MLYCD: variants seen among roughly 807,000 people sequenced by gnomAD.
MLYCD encodes malonyl-CoA decarboxylase.
MLYCD carries 27 observed loss-of-function variants against 35.8 expected under a neutral mutation model. The observed-to-expected ratio is 0.75, with a 90% CI of 0.56 to 1.04. The LOEUF (loss-of-function observed/expected upper bound fraction) is 1.04. Ranked by LOEUF, MLYCD falls within the 50% of genes least tolerant of loss-of-function variation. The pLI is 0.00. For missense variants in MLYCD, 917 were observed against 665.1 expected (o/e 1.38, Z -4.17); for synonymous variants, 403 against 302.4 (o/e 1.33, Z -3.45).
In MLYCD at chr16:83,924,662, TC is replaced by T. The variant is rs1369080306; in HGVS notation, c.*9174del. On this transcript the variant is annotated 3_prime_UTR_variant, in exon 5 of 5. Coordinates refer to ENST00000262430, the MANE Select transcript of MLYCD (RefSeq NM_012213.3). Reference sequence around the variant, plus strand: ...AGGAGAGAAGACCAGAGAGCTGCCTTCAAAGATGCCAGAGCCATGTTTATTT... The same window carrying T: ...AGGAGAGAAGACCAGAGAGCTGCCTTAAAGATGCCAGAGCCATGTTTATTT... 1 of 152,140 alleles carries T rather than the reference TC, an allele frequency of 6.6e-6. No homozygotes were observed. The highest frequency in any genetic ancestry group is 1.5e-5 in the Non-Finnish European group (1 of 68,030). The allele number at this position is 152,140 out of a possible 1,614,324, so 9.4% of individuals were successfully genotyped here.
chr16:83,912,085 C>A lies in MLYCD; in HGVS notation c.799-133C>A, dbSNP rs1907198989. The A allele has an allele frequency of 6.1e-6, 8 of 1,315,546 alleles. No individual in the cohort carries two copies. In the South Asian group the frequency reaches 8.3e-5, roughly 14 times the overall value. The allele number at this position is 1,315,546 out of a possible 1,614,324, so 81.5% of individuals were successfully genotyped here. ...GCTTTTAGGCTCTGTAGCCTGAACC[C>A]CAGCTGGGGAGCCGAGGTCTCTTCC... is the stretch of plus-strand genomic sequence containing the variant. On this transcript the variant is annotated intron_variant, in intron 3 of 4. Transcript: ENST00000262430.
chr16:83,914,952 A>T lies in MLYCD; in HGVS notation c.949-4A>T. 6.2e-7 allele frequency: 1 copy of T among 1,614,224 alleles called. No individual in the cohort carries two copies. The highest frequency in any genetic ancestry group is 2.2e-5 in the East Asian group (1 of 44,892). ...TTCCTTTCCACCCCAACCATGCTTT[A>T]CAGAGAGAGTTTCCTCACCTTGGGG... is the stretch of plus-strand genomic sequence containing the variant. On this transcript the variant is annotated splice_polypyrimidine_tract_variant and splice_region_variant and intron_variant, in intron 4 of 4. Coordinates refer to ENST00000262430, the MANE Select transcript of MLYCD (RefSeq NM_012213.3).
chr16:83,919,660 A>G lies in MLYCD; in HGVS notation c.*4171A>G, dbSNP rs1907580253. ...ACACGATGCACGGAACACGGTGATC[A>G]GAACACGGTTCACAGGAGAACACAC... On this transcript the variant is annotated 3_prime_UTR_variant, in exon 5 of 5. Coordinates refer to ENST00000262430, the MANE Select transcript of MLYCD (RefSeq NM_012213.3). 1 of 151,152 alleles carries G rather than the reference A, an allele frequency of 6.6e-6. No homozygotes were observed. The highest frequency in any genetic ancestry group is 6.6e-5 in the Admixed American group (1 of 15,140). The allele number at this position is 151,152 out of a possible 1,614,324, so 9.4% of individuals were successfully genotyped here.
chr16:83,915,543 G>A lies in MLYCD; in HGVS notation c.*54G>A. On this transcript the variant is annotated 3_prime_UTR_variant, in exon 5 of 5. Transcript: ENST00000262430. ...CCGGCTAAGAAAACGATCATTTTCA[G>A]GAGGGGCCGGGAGTTATGTATCTGA... 1 of 1,589,698 alleles carries A rather than the reference G, an allele frequency of 6.3e-7. No individual in the cohort carries two copies. Among genetic ancestry groups the A allele is most frequent in the African/African-American group, 1.3e-5 (1 of 74,920 alleles).
At chr16:83,908,048 G>A (rs1907041757) in intron 2 of MLYCD, 78 bp from the exon 3 acceptor site, 18 of 1,565,136 alleles carry the variant, frequency 1.2e-5, no homozygotes, top group Middle Eastern at 1.7e-4. Flanking sequence ...TGACTTAGAC[G>A]AATAGTATGA....
At position 83,924,677 on chromosome 16, in the gene MLYCD, C is replaced by A. The variant is rs1423672804; in HGVS notation, c.*9188C>A. 3.3e-5 allele frequency: 5 copies of A among 152,328 alleles called. No homozygotes were observed. In the East Asian group the frequency reaches 9.6e-4, roughly 29 times the overall value. The allele number at this position is 152,328 out of a possible 1,614,324, so 9.4% of individuals were successfully genotyped here. On this transcript the variant is annotated 3_prime_UTR_variant, in exon 5 of 5. Transcript: ENST00000262430. ...AGAGCTGCCTTCAAAGATGCCAGAG[C>A]CATGTTTATTTAAGCGGCGCTGCTC...
intron 4 of MLYCD, chr16:83,914,450 A>C (rs1346669511): frequency 9.5e-6 from 2 of 209,722 alleles, no homozygotes; most frequent in Non-Finnish European, 1.9e-5. Context: ...TGCAGTGAGT[A>C]GCTGCAGTGC....
Position 83,916,358 on chromosome 16 carries a change from GTGTA to G in MLYCD, c.*873_*876del, listed in dbSNP as rs142094163. 1,224 of 206,098 alleles carry G rather than the reference GTGTA, an allele frequency of 5.9e-3. 30 individuals carry two copies. In the East Asian group the frequency reaches 0.083, roughly 14 times the overall value. 12.8% of individuals were successfully genotyped at this position (206,098 alleles called of 1,614,324 possible). A position where few individuals can be genotyped will look rare whatever the true frequency, so the allele number is the denominator to read the frequency against. On this transcript the variant is annotated 3_prime_UTR_variant, in exon 5 of 5. Transcript: ENST00000262430. ...GGGAGGAAGGCAGTTGTGTTTGTGT[GTGTA>G]TGTGTGTATCAGTGCACATCTGTGT...
chr16:83,911,407 G>T (rs375307460), intron 3 of MLYCD, among the ~76,000 whole-genome samples: 2 of 152,208 alleles, frequency 1.3e-5, no homozygotes, highest in Admixed American at 1.3e-4. Context: ...AGTTTAAATG[G>T]GTTCTTCAAA....
At position 83,915,370 on chromosome 16, in the gene MLYCD, C is replaced by T. The variant is rs778179498; in HGVS notation, c.1363C>T (p.Arg455Cys). 19 of 1,613,746 alleles carry T rather than the reference C, an allele frequency of 1.2e-5. No homozygotes were observed. In the East Asian group the frequency reaches 2.0e-4, roughly 17 times the overall value. ...TGSCGLMANY[R>C]YFLEETGPNS... Reference sequence around the variant, plus strand: ...CTCCTGCGGCCTGATGGCCAACTACCGCTACTTCCTGGAGGAGACGGGCCC... The same window carrying T: ...CTCCTGCGGCCTGATGGCCAACTACTGCTACTTCCTGGAGGAGACGGGCCC... Residue 455 changes from arginine (R) to cysteine (C), a missense_variant, in exon 5 of 5, where the codon CGC becomes TGC. Coordinates refer to ENST00000262430, the MANE Select transcript of MLYCD (RefSeq NM_012213.3).
rs1236902937 is a variant in MLYCD at position 83,919,141 on chromosome 16, C to A, written c.*3652C>A. 1.3e-5 allele frequency: 2 copies of A among 150,006 alleles called. No homozygotes were observed. The highest frequency in any genetic ancestry group is 5.0e-5 in the African/African-American group (2 of 40,336). 9.3% of individuals were successfully genotyped at this position (150,006 alleles called of 1,614,324 possible). A position where few individuals can be genotyped will look rare whatever the true frequency, so the allele number is the denominator to read the frequency against. ...AGTGCACAGGAGAACACACAGTGCACAGGAGAACACAGTGCACAGGAGAAT... is the reference window on the plus strand; with the variant it reads ...AGTGCACAGGAGAACACACAGTGCAAAGGAGAACACAGTGCACAGGAGAAT... On this transcript the variant is annotated 3_prime_UTR_variant, in exon 5 of 5. Coordinates refer to ENST00000262430, the MANE Select transcript of MLYCD (RefSeq NM_012213.3).
In MLYCD at chr16:83,899,392, A is replaced by T. The variant is rs1359340481; in HGVS notation, c.248A>T (p.Gln83Leu). 2 of 1,528,234 alleles carry T rather than the reference A, an allele frequency of 1.3e-6. No individual in the cohort carries two copies. The highest frequency in any genetic ancestry group is 1.7e-6 in the Non-Finnish European group (2 of 1,146,810). The allele number at this position is 1,528,234 out of a possible 1,614,324, so 94.7% of individuals were successfully genotyped here. The change falls in exon 1 of 5, where the codon CAG becomes CTG. Residue 83 changes from glutamine (Q) to leucine (L), a missense_variant. Gln to Leu is a moderately radical substitution (Grantham distance 113, BLOSUM62 -2). Transcript: ENST00000262430. ...TACGGTGGGCTGGCCGAGACGGCCC[A>T]GCGGGCCGAACTGCTGGGCCGCCTG... Reference protein sequence around the residue: ...SFYGGLAETAQRAELLGRLAR... With the variant: ...SFYGGLAETALRAELLGRLAR...
rs138163697 is a variant in MLYCD at position 83,901,692 on chromosome 16, A to G, written c.528+2020A>G. 2.1e-3 allele frequency among the ~76,000 whole-genome samples: 327 copies of G among 152,336 alleles called. 1 individual carries two copies. The highest frequency in any genetic ancestry group is 7.4e-3 in the African/African-American group (309 of 41,576). ...TTGGTTATCGCGTCATTGGGAAGGA[A>G]CACGTTGCATGGCAACTGAAGACAC... On this transcript the variant is annotated intron_variant, in intron 1 of 4. Transcript: ENST00000262430.
At chr16:83,902,361 T>C (rs985866480) in intron 1 of MLYCD, among the ~76,000 whole-genome samples, 1 of 151,440 alleles carries the variant, frequency 6.6e-6, no homozygotes, top group Admixed American at 6.6e-5. Flanking sequence ...AGATGTAATT[T>C]TTTTAAAATC....
chr16:83,926,118 C>G lies in MLYCD; in HGVS notation c.*10629C>G, dbSNP rs1907798764. 2 of 152,342 alleles carry G rather than the reference C, an allele frequency of 1.3e-5. No individual in the cohort carries two copies. Among genetic ancestry groups the G allele is most frequent in the African/African-American group, 4.8e-5 (2 of 41,458 alleles). The allele number at this position is 152,342 out of a possible 1,614,324, so 9.4% of individuals were successfully genotyped here. ...CTCCTTGCCCAGGGTTCCACAGCCCCTTAAAGGCAGGGTCTTTCTGGCCAC... is the reference window on the plus strand; with the variant it reads ...CTCCTTGCCCAGGGTTCCACAGCCCGTTAAAGGCAGGGTCTTTCTGGCCAC... On this transcript the variant is annotated 3_prime_UTR_variant, in exon 5 of 5. Transcript: ENST00000262430.
rs1326342322 is a variant in MLYCD at position 83,924,268 on chromosome 16, C to G, written c.*8779C>G. ...TTGGCCCGGTTTGGAGATGGGGGAT[C>G]TGGCCCTGTGGTGAGTGCACCCAGA... On this transcript the variant is annotated 3_prime_UTR_variant, in exon 5 of 5. Transcript: ENST00000262430. The G allele has an allele frequency of 6.6e-6, 1 of 152,202 alleles. No homozygotes were observed. Among genetic ancestry groups the G allele is most frequent in the African/African-American group, 2.4e-5 (1 of 41,408 alleles). The allele number at this position is 152,202 out of a possible 1,614,324, so 9.4% of individuals were successfully genotyped here. A position where few individuals can be genotyped will look rare whatever the true frequency, so the allele number is the denominator to read the frequency against.
intron 1 of MLYCD, among the ~76,000 whole-genome samples, chr16:83,904,926 G>C (rs903007043): frequency 1.3e-5 from 2 of 152,080 alleles, no homozygotes; most frequent in African/African-American, 4.8e-5. Context: ...GGCCCCCATG[G>C]GGTCACACAG....
chr16:83,904,759 C>A (rs1906916334), intron 1 of MLYCD, among the ~76,000 whole-genome samples: 1 of 152,192 alleles, frequency 6.6e-6, no homozygotes, highest in African/African-American at 2.4e-5. Flanking sequence ...TGAGTTCTGT[C>A]CACCTGTGCT....
At chr16:83,906,873 C>A in intron 1 of MLYCD, 114 bp from the exon 2 acceptor site, 2 of 908,732 alleles carry the variant, frequency 2.2e-6, no homozygotes, top group Non-Finnish European at 3.7e-6. Context: ...TTGTCTTGCA[C>A]AATTGTCTTA....
Sources: allele counts gnomAD v4.1 joint callset (sites outside exome capture counted in the v4.1 genomes callset), GRCh38; gene constraint gnomAD v4.1.1; transcripts MANE v1.5; gene names NCBI Gene and HGNC (gene_info 2026-07-23, HGNC 2026-07-21).